GPC5: variants seen among roughly 807,000 people sequenced by gnomAD.
The protein encoded by GPC5 is glypican-5.
GPC5 carries 47 observed loss-of-function variants against 53.9 expected under a neutral mutation model. The observed-to-expected ratio is 0.87, with a 90% confidence interval of 0.69 to 1.11. GPC5 has a LOEUF of 1.11. GPC5 is among the 50% of genes most tolerant of loss of function. The pLI is 0.00. For missense variants in GPC5, 748 were observed against 713.1 expected, an observed-to-expected ratio of 1.05 and a Z score of -0.56; for synonymous variants, 286 against 263.3, an observed-to-expected ratio of 1.09 and a Z score of -0.84.
intron 7 of GPC5, among the ~76,000 whole-genome samples, chr13:92,434,888 A>G (rs970122195): frequency 1.3e-5 from 2 of 152,124 alleles, no homozygotes; most frequent in Admixed American, 6.6e-5. Flanking sequence ...GCGTTTTGCT[A>G]TCAATATAAC....
At chr13:92,251,247 A>G (rs1594037752) in intron 7 of GPC5, among the ~76,000 whole-genome samples, 1 of 152,132 alleles carries the variant, frequency 6.6e-6, no homozygotes, top group Non-Finnish European at 1.5e-5. Context: ...GTATCAAAAG[A>G]GTGGATATTT....
At chr13:92,054,152 GTGT>G (rs2041055273) in intron 6 of GPC5, among the ~76,000 whole-genome samples, 4 of 23,368 alleles carry the variant, frequency 1.7e-4, no homozygotes, top group African/African-American at 7.3e-4. Flanking sequence ...TTGGAGGGGT[GTGT>G]GTGTGTGTGT....
chr13:91,990,954 C>T (rs1017199894), intron 6 of GPC5, among the ~76,000 whole-genome samples: 2 of 152,014 alleles, frequency 1.3e-5, no homozygotes, highest in Admixed American at 6.5e-5. Context: ...TTGTGTTTAC[C>T]GAAATTATGG....
At chr13:92,187,990 G>A (rs561104112) in intron 7 of GPC5, among the ~76,000 whole-genome samples, 2 of 152,174 alleles carry the variant, frequency 1.3e-5, no homozygotes, top group South Asian at 4.2e-4. Flanking sequence ...TCCCACTAGG[G>A]TAACTAATTT....
chr13:91,749,844 T>G (rs2037131816), intron 4 of GPC5, among the ~76,000 whole-genome samples: 1 of 152,248 alleles, frequency 6.6e-6, no homozygotes, highest in South Asian at 2.1e-4. Context: ...GTCTCGCTGC[T>G]CTATAGCCCA....
chr13:92,637,683 G>A (rs780289679), intron 7 of GPC5, among the ~76,000 whole-genome samples: 8 of 151,874 alleles, frequency 5.3e-5, no homozygotes, highest in East Asian at 1.9e-4. Flanking sequence ...TTAACTATTC[G>A]GCACAAAATA....
intron 7 of GPC5, among the ~76,000 whole-genome samples, chr13:92,728,254 A>G (rs777595324): frequency 5.3e-5 from 8 of 151,466 alleles, no homozygotes; most frequent in African/African-American, 1.5e-4. Flanking sequence ...ATTGATGAGC[A>G]TATCTTTTTT....
intron 7 of GPC5, among the ~76,000 whole-genome samples, chr13:92,330,690 T>C (rs543271527): frequency 6.6e-6 from 1 of 152,292 alleles, no homozygotes; most frequent in African/African-American, 2.4e-5. Context: ...TATTTATCTT[T>C]CCTAAGAGTC....
chr13:92,559,559 T>G (rs1397684830), intron 7 of GPC5, among the ~76,000 whole-genome samples: 2 of 151,532 alleles, frequency 1.3e-5, no homozygotes, highest in Admixed American at 1.3e-4. Context: ...ATCTGGCTCT[T>G]ACACTCCAAC....
At chr13:91,657,261 G>A (rs765194887) in intron 2 of GPC5, among the ~76,000 whole-genome samples, 6 of 152,108 alleles carry the variant, frequency 3.9e-5, no homozygotes, top group Non-Finnish European at 7.4e-5. Context: ...GGGGTGAAGG[G>A]TCATCTCTTC....
At chr13:91,598,793 T>A (rs2033082132) in intron 2 of GPC5, among the ~76,000 whole-genome samples, 1 of 152,052 alleles carries the variant, frequency 6.6e-6, no homozygotes, top group African/African-American at 2.4e-5. Flanking sequence ...CCCCTCCTCA[T>A]CTACCTAACA....
intron 2 of GPC5, among the ~76,000 whole-genome samples, chr13:91,479,195 G>T (rs1023234576): frequency 6.6e-6 from 1 of 151,894 alleles, no homozygotes; most frequent in Non-Finnish European, 1.5e-5. Flanking sequence ...TTACAGGCTT[G>T]AGCCACCACA....
intron 3 of GPC5, among the ~76,000 whole-genome samples, chr13:91,706,007 G>A (rs1397093989): frequency 6.7e-6 from 1 of 149,964 alleles, no homozygotes. Flanking sequence ...CAACTTCCCT[G>A]GTAGCTGGGA....
At chr13:92,664,658 C>T (rs1886511224) in intron 7 of GPC5, among the ~76,000 whole-genome samples, 1 of 151,948 alleles carries the variant, frequency 6.6e-6, no homozygotes, top group Non-Finnish European at 1.5e-5. Context: ...ATCAGATTAA[C>T]AAAAAATTTA....
intron 6 of GPC5, among the ~76,000 whole-genome samples, chr13:92,022,707 T>G (rs1456720818): frequency 1.3e-5 from 2 of 152,022 alleles, no homozygotes; most frequent in Admixed American, 1.3e-4. Context: ...TCCTAGAATT[T>G]TCAAAATCAG....
intron 7 of GPC5, among the ~76,000 whole-genome samples, chr13:92,627,978 A>G (rs921139319): frequency 6.6e-6 from 1 of 152,114 alleles, no homozygotes; most frequent in Admixed American, 6.5e-5. Context: ...GGTGTGGTAG[A>G]CTGAAATACC....
chr13:91,408,141 G>A (rs1444160559), intron 1 of GPC5, among the ~76,000 whole-genome samples: 1 of 152,060 alleles, frequency 6.6e-6, no homozygotes, highest in Non-Finnish European at 1.5e-5. Flanking sequence ...CTATGTAATA[G>A]GTCACTTGAA....
intron 7 of GPC5, among the ~76,000 whole-genome samples, chr13:92,277,907 A>T (rs935715402): frequency 6.6e-6 from 1 of 151,928 alleles, no homozygotes; most frequent in African/African-American, 2.4e-5. Context: ...AGAAAAATAT[A>T]GTCATATATA....
chr13:92,543,881 T>C (rs1728465848), intron 7 of GPC5, among the ~76,000 whole-genome samples: 1 of 152,090 alleles, frequency 6.6e-6, no homozygotes, highest in African/African-American at 2.4e-5. Flanking sequence ...ATGCATCTCA[T>C]GTGTAGTTTA....
Sources: allele counts gnomAD v4.1 joint callset (sites outside exome capture counted in the v4.1 genomes callset), GRCh38; gene constraint gnomAD v4.1.1; transcripts MANE v1.5; gene names NCBI Gene and HGNC (gene_info 2026-07-23, HGNC 2026-07-21).